The following DNAJB6 variants were observed in gnomAD, a reference collection of about 807,000 sequenced individuals.
The protein encoded by DNAJB6 is dnaJ homolog subfamily B member 6.
Under a neutral mutation model 42.7 loss-of-function variants are expected in DNAJB6, and 16 were observed. That is an observed-to-expected ratio of 0.37 (90% CI 0.25 to 0.57). DNAJB6 has a LOEUF of 0.57. Among genes scored for constraint, DNAJB6 ranks in the 20% least tolerant of loss-of-function variants. The pLI is 0.74. For synonymous variants in DNAJB6, 170 were observed against 163.5 expected, an observed-to-expected ratio of 1.04 and a Z score of -0.30; for missense variants, 347 against 416.8, an observed-to-expected ratio of 0.83 and a Z score of 1.46.
chr7:157,338,772 C>T (rs1029859755), intron 1 of DNAJB6, among the ~76,000 whole-genome samples: 4 of 152,160 alleles, frequency 2.6e-5, no homozygotes, highest in African/African-American at 9.6e-5. Flanking sequence ...TTGTGGATTA[C>T]GCAGGCTGTG....
intron 8 of DNAJB6, among the ~76,000 whole-genome samples, chr7:157,391,423 C>G (rs575083481): frequency 3.3e-5 from 5 of 152,250 alleles, no homozygotes; most frequent in Non-Finnish European, 7.3e-5. Context: ...TCAGCCGTAT[C>G]TTTCCGTGTC....
intron 3 of DNAJB6, among the ~76,000 whole-genome samples, chr7:157,366,079 T>C (rs1211973871): frequency 1.3e-5 from 2 of 152,082 alleles, no homozygotes; most frequent in Non-Finnish European, 2.9e-5. Context: ...GCCTCCTGAG[T>C]AGCTGGGATT....
intron 8 of DNAJB6, among the ~76,000 whole-genome samples, chr7:157,386,968 A>G (rs1801095025): frequency 6.6e-6 from 1 of 150,402 alleles, no homozygotes; most frequent in Non-Finnish European, 1.5e-5. Flanking sequence ...ATTGGTAACT[A>G]GAATCCTAGC....
intron 1 of DNAJB6, among the ~76,000 whole-genome samples, chr7:157,342,938 T>A (rs1798483965): frequency 7.8e-6 from 1 of 128,242 alleles, no homozygotes; most frequent in South Asian, 2.5e-4. Context: ...GAATGAAAAT[T>A]CACTGCTGTG....
Position 157,415,960 on chromosome 7 carries a change from C to CT in DNAJB6, c.899-54dup, listed in dbSNP as rs1796098124. 17 of 1,608,180 alleles carry CT rather than the reference C, an allele frequency of 1.1e-5. 1 individual carries two copies. The South Asian group carries it at 1.8e-4, about 17-fold the overall frequency. On this transcript the variant is annotated intron_variant, in intron 9 of 9. Coordinates refer to ENST00000262177, the MANE Select transcript of DNAJB6 (RefSeq NM_058246.4). Reference sequence around the variant, plus strand: ...AGATATTTAGAAAACATGTTTGGCTCTTGCTGGGGAAGCAGTGCTGTTCCG... The same window carrying CT: ...AGATATTTAGAAAACATGTTTGGCTCTTTGCTGGGGAAGCAGTGCTGTTCCG...
At chr7:157,346,818 CA>C (rs1798711795) in intron 1 of DNAJB6, among the ~76,000 whole-genome samples, 1 of 152,188 alleles carries the variant, frequency 6.6e-6, no homozygotes. Flanking sequence ...TCCTTGGAGA[CA>C]CGTGGATTTC....
intron 1 of DNAJB6, among the ~76,000 whole-genome samples, chr7:157,348,843 T>A (rs960903480): frequency 6.6e-6 from 1 of 152,142 alleles, no homozygotes; most frequent in Non-Finnish European, 1.5e-5. Context: ...ACTTGCTGCG[T>A]CCCACATGGG....
chr7:157,343,599 C>G (rs1394131119), intron 1 of DNAJB6, among the ~76,000 whole-genome samples: 2 of 152,090 alleles, frequency 1.3e-5, no homozygotes, highest in African/African-American at 2.4e-5. Context: ...ACTACAGGCG[C>G]CACCACGTCT....
chr7:157,339,262 T>C (rs1480467115), intron 1 of DNAJB6, among the ~76,000 whole-genome samples: 1 of 133,694 alleles, frequency 7.5e-6, no homozygotes, highest in Non-Finnish European at 1.6e-5. Context: ...GAGGTGGGGG[T>C]GGAATGGTCT....
chr7:157,349,213 A>G (rs775320813), intron 1 of DNAJB6, among the ~76,000 whole-genome samples: 1 of 152,150 alleles, frequency 6.6e-6, no homozygotes, highest in East Asian at 1.9e-4. Flanking sequence ...CCTGTCTTCC[A>G]CTAAACTTGA....
At chr7:157,346,769 A>G (rs974796284) in intron 1 of DNAJB6, among the ~76,000 whole-genome samples, 2 of 152,178 alleles carry the variant, frequency 1.3e-5, no homozygotes, top group African/African-American at 4.8e-5. Context: ...AACAGTGGGG[A>G]TTGTTGCAGC....
At chr7:157,387,993 C>T (rs544978437) in intron 8 of DNAJB6, among the ~76,000 whole-genome samples, 1 of 152,046 alleles carries the variant, frequency 6.6e-6, no homozygotes, top group Admixed American at 6.6e-5. Context: ...TTACAGGCAC[C>T]CACCACCACA....
intron 1 of DNAJB6, among the ~76,000 whole-genome samples, chr7:157,345,169 T>C (rs1002749772): frequency 2.0e-5 from 3 of 151,762 alleles, no homozygotes; most frequent in Non-Finnish European, 4.4e-5. Context: ...AGTTTTTGTA[T>C]TTTTTGTAGA....
At chr7:157,352,700 C>A (rs1356676111) in intron 1 of DNAJB6, among the ~76,000 whole-genome samples, 1 of 152,112 alleles carries the variant, frequency 6.6e-6, no homozygotes, top group South Asian at 2.1e-4. Flanking sequence ...TCTACTTCAT[C>A]ACAAGCAGGT....
intron 5 of DNAJB6, among the ~76,000 whole-genome samples, chr7:157,376,163 G>T (rs1373219777): frequency 6.6e-6 from 1 of 152,174 alleles, no homozygotes; most frequent in East Asian, 1.9e-4. Flanking sequence ...AAATGTGTGG[G>T]TTTAAAACAT....
At chr7:157,347,566 G>A (rs554514534) in intron 1 of DNAJB6, among the ~76,000 whole-genome samples, 30 of 152,218 alleles carry the variant, frequency 2.0e-4, no homozygotes, top group African/African-American at 7.0e-4. Context: ...TTGAGCCCCC[G>A]TTTCCTCACC....
At chr7:157,401,173 C>A (rs118056869) in intron 8 of DNAJB6, among the ~76,000 whole-genome samples, 3,173 of 152,262 alleles carry the variant, frequency 0.021, 44 homozygotes, top group East Asian at 0.051. Context: ...GGATTGCTGG[C>A]AGTCAGAGCT....
At chr7:157,350,578 A>T (rs1798917529) in intron 1 of DNAJB6, among the ~76,000 whole-genome samples, 1 of 152,202 alleles carries the variant, frequency 6.6e-6, no homozygotes, top group Non-Finnish European at 1.5e-5. Context: ...TGAAGTGTGG[A>T]TGCCTTATGA....
intron 1 of DNAJB6, among the ~76,000 whole-genome samples, chr7:157,343,635 G>A (rs6459765): frequency 0.11 from 16,284 of 152,090 alleles, 1,147 homozygotes; most frequent in African/African-American, 0.21. Flanking sequence ...TTTTAGTAGA[G>A]ACGGGGTTTC....
Sources: gnomAD v4.1 joint callset for allele counts (sites outside exome capture counted in the v4.1 genomes callset) on GRCh38, gnomAD v4.1.1 for gene constraint, MANE v1.5 for transcripts, NCBI Gene and HGNC (gene_info 2026-07-23, HGNC 2026-07-21) for gene names.